Variants in GRB2 observed in about 807,000 individuals in gnomAD.
GRB2 encodes the protein growth factor receptor bound protein 2, also known as growth factor receptor-bound protein 2.
Under a neutral mutation model 27.4 loss-of-function variants are expected in GRB2, and 2 were observed. The observed-to-expected ratio is 0.07, with a 90% CI of 0.03 to 0.23. GRB2 has a LOEUF of 0.23. Among genes scored for constraint, GRB2 ranks in the 10% least tolerant of loss-of-function variants. The pLI is 1.00. For missense variants in GRB2, 102 were observed against 282.4 expected (o/e 0.36, Z 4.58); for synonymous variants, 94 against 99.6 (o/e 0.94, Z 0.33).
At chr17:75,377,795 T>C (rs1298127265) in intron 2 of GRB2, among the ~76,000 whole-genome samples, 1 of 151,650 alleles carries the variant, frequency 6.6e-6, no homozygotes, top group Non-Finnish European at 1.5e-5. Flanking sequence ...TAGTCCCAGC[T>C]ACTAGGGAGG....
chr17:75,370,871 C>T (rs1266943842), intron 2 of GRB2: 1 of 152,214 alleles, frequency 6.6e-6, no homozygotes, highest in Non-Finnish European at 1.5e-5. Context: ...CCAATGTGTT[C>T]GACACCTCCT....
At chr17:75,335,356 G>C (rs1376725219) in intron 2 of GRB2, among the ~76,000 whole-genome samples, 1 of 152,156 alleles carries the variant, frequency 6.6e-6, no homozygotes. Context: ...AAAGTTCTGA[G>C]AGGAAACTGG....
At chr17:75,342,645 G>C (rs950482878) in intron 2 of GRB2, among the ~76,000 whole-genome samples, 6 of 152,118 alleles carry the variant, frequency 3.9e-5, no homozygotes, top group Non-Finnish European at 7.4e-5. Flanking sequence ...GTTGATCCAA[G>C]CAAGGAGAGG....
intron 2 of GRB2, among the ~76,000 whole-genome samples, chr17:75,379,683 C>T (rs1039615198): frequency 3.9e-5 from 6 of 152,066 alleles, no homozygotes; most frequent in African/African-American, 1.4e-4. Flanking sequence ...TACAGGCCAC[C>T]ACACCTGGTC....
intron 2 of GRB2, among the ~76,000 whole-genome samples, chr17:75,340,521 CACAT>C (rs2078613551): frequency 6.6e-6 from 1 of 152,158 alleles, no homozygotes; most frequent in East Asian, 1.9e-4. Context: ...AGAGAAAACA[CACAT>C]GCATGCATGC....
chr17:75,357,782 G>A (rs755303459), intron 2 of GRB2, among the ~76,000 whole-genome samples: 1 of 152,168 alleles, frequency 6.6e-6, no homozygotes, highest in African/African-American at 2.4e-5. Context: ...TTAGCTGGGC[G>A]TGGTGGCAGG....
At position 75,338,878 on chromosome 17, in the gene GRB2, C is replaced by T. The variant is rs2078600177; in HGVS notation, c.79-6081G>A. The T allele has an allele frequency of 5.0e-6, 4 of 802,574 alleles. No homozygotes were observed. In the South Asian group the frequency reaches 5.3e-5, roughly 11 times the overall value. 49.7% of individuals were successfully genotyped at this position (802,574 alleles called of 1,614,324 possible). On this transcript the variant is annotated intron_variant, in intron 2 of 5. Coordinates refer to ENST00000316804, the MANE Select transcript of GRB2 (RefSeq NM_002086.5). ...GACTTTCTCTAAGAAGTGTGGCAAGCATCAACCCCACAAAGTGACACAGTA... is the reference window on the plus strand; with the variant it reads ...GACTTTCTCTAAGAAGTGTGGCAAGTATCAACCCCACAAAGTGACACAGTA...
chr17:75,345,875 C>T (rs1038816897), intron 2 of GRB2, among the ~76,000 whole-genome samples: 8 of 152,150 alleles, frequency 5.3e-5, no homozygotes, highest in Non-Finnish European at 1.2e-4. Context: ...AAGCCAGTGA[C>T]ATTTGAAGGG....
rs2078548407 is a variant in GRB2 at position 75,332,552 on chromosome 17, T to C, written c.176+148A>G. The C allele has an allele frequency of 6.7e-6, 4 of 595,694 alleles. No homozygotes were observed. In the South Asian group the frequency reaches 7.9e-5, roughly 12 times the overall value. 36.9% of individuals were successfully genotyped at this position (595,694 alleles called of 1,614,324 possible). A position where few individuals can be genotyped will look rare whatever the true frequency, so the allele number is the denominator to read the frequency against. Reference sequence around the variant, plus strand: ...GACTATGATATATTATTATATACTATTAACATGCACAATCAATATCCTTTG... The same window carrying C: ...GACTATGATATATTATTATATACTACTAACATGCACAATCAATATCCTTTG... On this transcript the variant is annotated intron_variant, in intron 3 of 5. Coordinates refer to ENST00000316804, the MANE Select transcript of GRB2 (RefSeq NM_002086.5).
At chr17:75,327,770 T>C (rs1368944612) in intron 3 of GRB2, among the ~76,000 whole-genome samples, 5 of 152,218 alleles carry the variant, frequency 3.3e-5, no homozygotes. Context: ...CTAGGAAGGA[T>C]ACACTTAGAA....
intron 2 of GRB2, among the ~76,000 whole-genome samples, chr17:75,360,107 C>T (rs1279758133): frequency 6.6e-6 from 1 of 152,012 alleles, no homozygotes; most frequent in Non-Finnish European, 1.5e-5. Flanking sequence ...CATGGCGAGA[C>T]CTTGTCTCTA....
chr17:75,379,044 C>T (rs2078911604), intron 2 of GRB2, among the ~76,000 whole-genome samples: 2 of 152,268 alleles, frequency 1.3e-5, no homozygotes, highest in South Asian at 4.1e-4. Context: ...AACAGAAATG[C>T]CATTCTTCTC....
chr17:75,340,450 C>T (rs1405694987), intron 2 of GRB2, among the ~76,000 whole-genome samples: 2 of 152,160 alleles, frequency 1.3e-5, no homozygotes, highest in African/African-American at 4.8e-5. Context: ...ACTGCCATGA[C>T]TTGAAGACAA....
At chr17:75,403,250 C>T (rs541474546) in intron 1 of GRB2, among the ~76,000 whole-genome samples, 70 of 151,034 alleles carry the variant, frequency 4.6e-4, no homozygotes, top group Admixed American at 4.6e-3. Context: ...GTATTAATTT[C>T]TCTCCGGAGG....
intron 2 of GRB2, among the ~76,000 whole-genome samples, chr17:75,391,262 A>G (rs151174678): frequency 8.4e-4 from 128 of 152,262 alleles, no homozygotes; most frequent in African/African-American, 3.0e-3. Context: ...AGAACCACAT[A>G]TATGTATTTT....
intron 3 of GRB2, chr17:75,326,232 G>A (rs562870044): frequency 1.0e-5 from 6 of 572,466 alleles, no homozygotes; most frequent in South Asian, 4.1e-5. Flanking sequence ...CCCAGAAAGC[G>A]ACTCACCAAG....
Position 75,326,219 on chromosome 17 carries a change from T to C in GRB2, c.177-199A>G, listed in dbSNP as rs1010748932. On this transcript the variant is annotated intron_variant, in intron 3 of 5. Transcript: ENST00000316804. Reference sequence around the variant, plus strand: ...CTTCAAAGGTCTTTAGCCTACTCCATTTCCCAGAAAGCGACTCACCAAGGC... The same window carrying C: ...CTTCAAAGGTCTTTAGCCTACTCCACTTCCCAGAAAGCGACTCACCAAGGC... 18 of 594,878 alleles carry C rather than the reference T, an allele frequency of 3.0e-5. No homozygotes were observed. The Admixed American group carries it at 5.3e-4, about 18-fold the overall frequency. 36.8% of individuals were successfully genotyped at this position (594,878 alleles called of 1,614,324 possible). A position where few individuals can be genotyped will look rare whatever the true frequency, so the allele number is the denominator to read the frequency against.
chr17:75,384,691 T>C (rs1015031838), intron 2 of GRB2, among the ~76,000 whole-genome samples: 1 of 151,578 alleles, frequency 6.6e-6, no homozygotes, highest in African/African-American at 2.4e-5. Context: ...TAACATAAAA[T>C]AAAATAAATA....
chr17:75,345,691 C>T (rs184762452), intron 2 of GRB2, among the ~76,000 whole-genome samples: 3 of 152,110 alleles, frequency 2.0e-5, no homozygotes, highest in Admixed American at 2.0e-4. Flanking sequence ...AGTGGCAAGT[C>T]CCTACCCCCA....
Sources: allele counts gnomAD v4.1 joint callset (sites outside exome capture counted in the v4.1 genomes callset), GRCh38; gene constraint gnomAD v4.1.1; transcripts MANE v1.5; gene names NCBI Gene and HGNC (gene_info 2026-07-23, HGNC 2026-07-21).